MAGI3: variants seen among roughly 807,000 people sequenced by gnomAD.
MAGI3 encodes membrane-associated guanylate kinase, WW and PDZ domain-containing protein 3.
A neutral mutation model predicts 121.8 loss-of-function variants in MAGI3; 43 were observed. The ratio of observed to expected loss-of-function variants is 0.35; its 90% confidence interval spans 0.28 to 0.46. The LOEUF is 0.46. Ranked by LOEUF, MAGI3 falls within the 20% of genes least tolerant of loss-of-function variation. MAGI3 has a pLI of 1.00. For missense variants in MAGI3, 1,547 were observed against 1,797.3 expected, an observed-to-expected ratio of 0.86 and a Z score of 2.52; for synonymous variants, 553 against 639.3, an observed-to-expected ratio of 0.86 and a Z score of 2.04.
chr1:113,675,133 A>G (rs1388704768), intron 19 of MAGI3, among the ~76,000 whole-genome samples: 2 of 152,226 alleles, frequency 1.3e-5, no homozygotes, highest in Non-Finnish European at 2.9e-5. Context: ...CTTTTTAGCC[A>G]GGAGTTTCCC....
chr1:113,622,012 G>A (rs958693640), intron 8 of MAGI3, among the ~76,000 whole-genome samples: 14 of 152,138 alleles, frequency 9.2e-5, no homozygotes, highest in Admixed American at 4.6e-4. Context: ...TCTGAGGAGG[G>A]AAGAAAATGT....
chr1:113,565,534 CAAAT>C (rs529499097), intron 2 of MAGI3, among the ~76,000 whole-genome samples: 384 of 152,156 alleles, frequency 2.5e-3, no homozygotes, highest in African/African-American at 8.8e-3. Context: ...AAGCTTGTAA[CAAAT>C]AATCAGTGAA....
At chr1:113,628,616 T>C (rs1651397604) in intron 9 of MAGI3, among the ~76,000 whole-genome samples, 1 of 152,190 alleles carries the variant, frequency 6.6e-6, no homozygotes, top group African/African-American at 2.4e-5. Flanking sequence ...GTTCACGAAA[T>C]CCCTTAGCTT....
At chr1:113,475,733 T>A (rs1029591122) in intron 1 of MAGI3, among the ~76,000 whole-genome samples, 12 of 152,342 alleles carry the variant, frequency 7.9e-5, no homozygotes, top group Non-Finnish European at 1.5e-4. Flanking sequence ...AGGATCATGC[T>A]GGCCTCATAA....
chr1:113,652,001 A>G (rs1245602381), intron 14 of MAGI3, among the ~76,000 whole-genome samples: 4 of 152,246 alleles, frequency 2.6e-5, no homozygotes, highest in Non-Finnish European at 2.9e-5. Flanking sequence ...ATTTTATTTA[A>G]TCTTCACAAC....
intron 6 of MAGI3, among the ~76,000 whole-genome samples, chr1:113,601,328 A>G (rs575540178): frequency 2.0e-5 from 3 of 152,346 alleles, no homozygotes; most frequent in African/African-American, 4.8e-5. Context: ...CTCATCTGAC[A>G]AATGGCTAAT....
At chr1:113,676,781 C>T (rs1647893667) in intron 19 of MAGI3, among the ~76,000 whole-genome samples, 1 of 152,112 alleles carries the variant, frequency 6.6e-6, no homozygotes. Flanking sequence ...CTCCTCTTCT[C>T]CCTTTATTAG....
intron 1 of MAGI3, among the ~76,000 whole-genome samples, chr1:113,507,273 T>C (rs1657379765): frequency 6.6e-6 from 1 of 152,168 alleles, no homozygotes. Flanking sequence ...ATATGTACTG[T>C]AAGTGGCATT....
chr1:113,405,518 TGAG>T (rs970836416), intron 1 of MAGI3, among the ~76,000 whole-genome samples: 1 of 146,950 alleles, frequency 6.8e-6, no homozygotes, highest in African/African-American at 2.5e-5. Flanking sequence ...AAGGCTGTCT[TGAG>T]GAATGCCACT....
chr1:113,415,055 AT>A (rs1225198491), intron 1 of MAGI3, among the ~76,000 whole-genome samples: 2 of 152,084 alleles, frequency 1.3e-5, no homozygotes, highest in Non-Finnish European at 2.9e-5. Context: ...ACTAGACCAA[AT>A]AATGTAAATC....
At chr1:113,394,645 T>G (rs1406388797) in intron 1 of MAGI3, among the ~76,000 whole-genome samples, 1 of 152,220 alleles carries the variant, frequency 6.6e-6, no homozygotes, top group Non-Finnish European at 1.5e-5. Context: ...TTATGCTTCT[T>G]CATACACCTT....
chr1:113,568,609 G>C (rs533568912), intron 2 of MAGI3, among the ~76,000 whole-genome samples: 9 of 152,102 alleles, frequency 5.9e-5, no homozygotes, highest in African/African-American at 2.2e-4. Context: ...ATACCAGAAT[G>C]GTCAGTAGAT....
At chr1:113,656,447 T>A (rs1653475179) in intron 15 of MAGI3, among the ~76,000 whole-genome samples, 1 of 151,702 alleles carries the variant, frequency 6.6e-6, no homozygotes, top group Admixed American at 6.6e-5. Flanking sequence ...ACAGTCTTAC[T>A]CTGTTGCCCA....
intron 1 of MAGI3, among the ~76,000 whole-genome samples, chr1:113,463,895 C>T (rs935965182): frequency 3.3e-5 from 5 of 152,012 alleles, no homozygotes; most frequent in South Asian, 2.1e-4. Flanking sequence ...AATAGAGGTA[C>T]ATAGTTTAGG....
chr1:113,543,963 C>T (rs1396223337), intron 1 of MAGI3, among the ~76,000 whole-genome samples: 4 of 151,836 alleles, frequency 2.6e-5, no homozygotes, highest in African/African-American at 9.7e-5. Flanking sequence ...TAAAAATAAA[C>T]CATGGCCTTG....
chr1:113,649,401 T>A, intron 13 of MAGI3, 73 bp downstream of exon 13: 1 of 1,085,774 alleles, frequency 9.2e-7, no homozygotes, highest in Non-Finnish European at 1.3e-6. Flanking sequence ...TGGATTATGG[T>A]GTGTTTTAAG....
chr1:113,576,637 A>G (rs908420293), intron 2 of MAGI3: 4 of 152,242 alleles, frequency 2.6e-5, no homozygotes, highest in African/African-American at 9.6e-5. Context: ...TCAATTTTAA[A>G]GACACAAACC....
chr1:113,669,104 C>A (rs1369730513), intron 16 of MAGI3, among the ~76,000 whole-genome samples: 3 of 152,220 alleles, frequency 2.0e-5, no homozygotes. Flanking sequence ...CCAGTCATCT[C>A]ATTGGCAAAT....
chr1:113,473,657 A>C (rs181101489), intron 1 of MAGI3, among the ~76,000 whole-genome samples: 1 of 152,250 alleles, frequency 6.6e-6, no homozygotes, highest in Admixed American at 6.5e-5. Context: ...TTCTTGATCC[A>C]GTCTATCATC....
Sources: allele counts gnomAD v4.1 joint callset (sites outside exome capture counted in the v4.1 genomes callset), GRCh38; gene constraint gnomAD v4.1.1; transcripts MANE v1.5; gene names NCBI Gene and HGNC (gene_info 2026-07-23, HGNC 2026-07-21).